Variants in SPTLC2 observed in about 807,000 individuals in gnomAD.
SPTLC2 encodes the protein serine palmitoyltransferase long chain base subunit 2, also known as serine palmitoyltransferase 2.
Under a neutral mutation model 62.0 loss-of-function variants are expected in SPTLC2, and 21 were observed. The observed-to-expected ratio is 0.34, with a 90% CI of 0.24 to 0.49. The LOEUF is 0.49. Ranked by LOEUF, SPTLC2 falls within the 20% of genes least tolerant of loss-of-function variation. The pLI is 0.99. For synonymous variants in SPTLC2, 261 were observed against 261.8 expected (o/e 1.00, Z 0.03); for missense variants, 511 against 713.0 (o/e 0.72, Z 3.23).
At chr14:77,585,031 C>T (rs892258205) in intron 2 of SPTLC2, among the ~76,000 whole-genome samples, 1 of 152,182 alleles carries the variant, frequency 6.6e-6, no homozygotes, top group African/African-American at 2.4e-5. Flanking sequence ...TCTGGCAGTG[C>T]GACAGTTGTG....
intron 2 of SPTLC2, among the ~76,000 whole-genome samples, chr14:77,592,537 T>C (rs886343411): frequency 1.3e-5 from 2 of 152,220 alleles, no homozygotes; most frequent in Non-Finnish European, 2.9e-5. Context: ...AATAAGCCTA[T>C]TGGGATATAA....
chr14:77,545,354 C>A (rs1239894091), intron 9 of SPTLC2, among the ~76,000 whole-genome samples: 2 of 151,822 alleles, frequency 1.3e-5, no homozygotes, highest in African/African-American at 4.8e-5. Context: ...GCAATCTCCA[C>A]CTCCCAGGTT....
chr14:77,608,400 C>CA (rs759830568), intron 1 of SPTLC2, among the ~76,000 whole-genome samples: 7 of 152,062 alleles, frequency 4.6e-5, no homozygotes, highest in Non-Finnish European at 7.4e-5. Flanking sequence ...TAATTATCAT[C>CA]AAAAAAATAG....
chr14:77,563,650 C>T (rs4325486), intron 5 of SPTLC2, among the ~76,000 whole-genome samples: 127,842 of 151,920 alleles, frequency 0.84, 55,259 homozygotes, highest in East Asian at 0.99. Context: ...GGTCTTGAAC[C>T]CCTGACCTCA....
chr14:77,566,875 GTA>G (rs34750410), intron 5 of SPTLC2, among the ~76,000 whole-genome samples: 63,859 of 151,990 alleles, frequency 0.42, 15,866 homozygotes, highest in East Asian at 0.87. Flanking sequence ...TGGAAATTCA[GTA>G]TCAGATTCAA....
chr14:77,609,987 C>CT (rs1355018892), intron 1 of SPTLC2, among the ~76,000 whole-genome samples: 1 of 152,192 alleles, frequency 6.6e-6, no homozygotes, highest in African/African-American at 2.4e-5. Flanking sequence ...CATGCTAACT[C>CT]TATGTTTAAC....
chr14:77,551,390 C>CAAAAAA (rs11347331), intron 9 of SPTLC2, among the ~76,000 whole-genome samples: 139 of 61,196 alleles, frequency 2.3e-3, no homozygotes, highest in Non-Finnish European at 3.1e-3. Context: ...GACTCCGTCT[C>CAAAAAA]AAAAAAAAAA....
At chr14:77,563,881 T>G (rs1289511218) in intron 5 of SPTLC2, among the ~76,000 whole-genome samples, 1 of 152,170 alleles carries the variant, frequency 6.6e-6, no homozygotes, top group Non-Finnish European at 1.5e-5. Flanking sequence ...CTTGTAACAG[T>G]AGTTGTGTTT....
At chr14:77,524,847 G>A (rs899800907) in intron 9 of SPTLC2, among the ~76,000 whole-genome samples, 2 of 152,160 alleles carry the variant, frequency 1.3e-5, no homozygotes, top group African/African-American at 4.8e-5. Flanking sequence ...CCAGAGGCTG[G>A]GAATGGTAGG....
intron 9 of SPTLC2, among the ~76,000 whole-genome samples, chr14:77,533,108 A>G (rs1448652298): frequency 6.6e-6 from 1 of 151,976 alleles, no homozygotes; most frequent in Non-Finnish European, 1.5e-5. Context: ...GACCAGCTTG[A>G]CCAACATGGT....
intron 6 of SPTLC2, among the ~76,000 whole-genome samples, chr14:77,559,837 G>C (rs1280108814): frequency 6.6e-6 from 1 of 152,144 alleles, no homozygotes. Context: ...GCTGTGGTGA[G>C]TTGTGGTTCT....
At chr14:77,542,879 G>C (rs1010040547) in intron 9 of SPTLC2, among the ~76,000 whole-genome samples, 1 of 152,102 alleles carries the variant, frequency 6.6e-6, no homozygotes, top group African/African-American at 2.4e-5. Context: ...AGCAGCAGGG[G>C]CAAGCTTAAA....
intron 9 of SPTLC2, among the ~76,000 whole-genome samples, chr14:77,548,464 C>T (rs1210538718): frequency 1.3e-5 from 2 of 152,142 alleles, no homozygotes; most frequent in South Asian, 2.1e-4. Flanking sequence ...TGCCTTGATT[C>T]GTATGTAGAT....
chr14:77,530,330 A>T (rs2079431972), intron 9 of SPTLC2, among the ~76,000 whole-genome samples: 1 of 147,338 alleles, frequency 6.8e-6, no homozygotes, highest in Admixed American at 6.9e-5. Flanking sequence ...AAAAAAAAAT[A>T]TTTATTTATT....
rs189656946 is a variant in SPTLC2, at chr14:77,577,995, A to C, written c.482+960T>G. ...CCTCATCTCTACTAAAAATACAAAA[A>C]GTAGCTGAGCATGGTGGTGCATCTC... On this transcript the variant is annotated intron_variant, in intron 3 of 11. Transcript: ENST00000216484. Among the ~76,000 whole-genome samples, 175 of 152,216 alleles carry C rather than the reference A, an allele frequency of 1.1e-3. 1 individual carries two copies. The highest frequency in any genetic ancestry group is 2.1e-3 in the Non-Finnish European group (140 of 68,016).
chr14:77,509,643 G>A lies in SPTLC2; in HGVS notation c.*2641C>T, dbSNP rs1335083758. 2 of 366,430 alleles carry A rather than the reference G, an allele frequency of 5.5e-6. No individual in the cohort carries two copies. Among genetic ancestry groups the A allele is most frequent in the Admixed American group, 4.6e-5 (1 of 21,780 alleles). The allele number at this position is 366,430 out of a possible 1,614,324, so 22.7% of individuals were successfully genotyped here. A position where few individuals can be genotyped will look rare whatever the true frequency, so the allele number is the denominator to read the frequency against. On this transcript the variant is annotated 3_prime_UTR_variant, in exon 12 of 12. Coordinates refer to ENST00000216484, the MANE Select transcript of SPTLC2 (RefSeq NM_004863.4). ...TCAAATCGACTTATTCTCAATGACT[G>A]TATTTATATATACTTGTATTCCTCC...
intron 9 of SPTLC2, among the ~76,000 whole-genome samples, chr14:77,550,904 A>C (rs1464110785): frequency 1.1e-5 from 1 of 91,032 alleles, no homozygotes; most frequent in African/African-American, 3.8e-5. Context: ...ACTCTGTCTC[A>C]AAAACAAAAA....
rs145629888 is a variant in SPTLC2, at chr14:77,531,420, T to TTTCTTCTTCTTCTTCTTC, written c.1304-9857_1304-9840dup. Among the ~76,000 whole-genome samples the TTTCTTCTTCTTCTTCTTC allele has an allele frequency of 2.8e-3, 358 of 129,734 alleles. 8 individuals are homozygous for TTTCTTCTTCTTCTTCTTC. The highest frequency in any genetic ancestry group is 0.011 in the African/African-American group (340 of 29,668). 85.1% of individuals were successfully genotyped at this position (129,734 alleles called of 152,430 possible). On this transcript the variant is annotated intron_variant, in intron 9 of 11. Coordinates refer to ENST00000216484, the MANE Select transcript of SPTLC2 (RefSeq NM_004863.4). The stretch of plus-strand genomic sequence containing the variant: ...GTTATTTCTTCACAGGGACCATGAC[T>TTTCTTCTTCTTCTTCTTC]TTCTTCTTCTTCTTCTTCTTCTTCT...
Position 77,604,791 on chromosome 14 carries a change from T to C in SPTLC2, c.133-7411A>G, listed in dbSNP as rs577203653. Among the ~76,000 whole-genome samples the C allele has an allele frequency of 6.7e-3, 967 of 144,228 alleles. 3 individuals carry two copies. Among genetic ancestry groups the C allele is most frequent in the Middle Eastern group, 0.033 (9 of 272 alleles). 94.6% of individuals were successfully genotyped at this position (144,228 alleles called of 152,430 possible). On this transcript the variant is annotated intron_variant, in intron 1 of 11. Transcript: ENST00000216484. Reference sequence around the variant, plus strand: ...CTGAGGCAGGAGAATTGCTTGAACCTGGGAGGCGGAGGTTGCGGTGAGTCA... The same window carrying C: ...CTGAGGCAGGAGAATTGCTTGAACCCGGGAGGCGGAGGTTGCGGTGAGTCA...
Sources: allele counts gnomAD v4.1 joint callset (sites outside exome capture counted in the v4.1 genomes callset), GRCh38; gene constraint gnomAD v4.1.1; transcripts MANE v1.5; gene names NCBI Gene and HGNC (gene_info 2026-07-23, HGNC 2026-07-21).